NEMP2: variants seen among roughly 807,000 people sequenced by gnomAD.
NEMP2 encodes the protein UPF0571 transmembrane protein.
A neutral mutation model predicts 54.2 loss-of-function variants in NEMP2; 53 were observed. The observed-to-expected ratio is 0.98, with a 90% confidence interval of 0.78 to 1.23. The LOEUF is 1.23. NEMP2 is among the 50% of genes most tolerant of loss of function. The pLI is 0.00. For missense variants in NEMP2, 455 were observed against 511.3 expected (o/e 0.89, Z 1.06); for synonymous variants, 197 against 190.3 (o/e 1.04, Z -0.29).
intron 4 of NEMP2, among the ~76,000 whole-genome samples, 159 bp from the exon 5 acceptor site, chr2:190,517,772 G>A (rs887915854): frequency 2.0e-5 from 3 of 152,132 alleles, no homozygotes; most frequent in African/African-American, 4.8e-5. Context: ...AACAAAATGG[G>A]TACTTGAAAT....
chr2:190,454,759 A>C, the NEMP2 span, among the ~76,000 whole-genome samples: 1 of 152,122 alleles, frequency 6.6e-6, no homozygotes, highest in East Asian at 1.9e-4. This position sits in a 1 kb window ranked among gnomAD's most constrained non-coding sequence, Gnocchi z 4.6. Context: ...ATGTGTCTAA[A>C]TAGAGTAAGG....
At chr2:190,487,390 C>A in the NEMP2 span, among the ~76,000 whole-genome samples, 1 of 152,210 alleles carries the variant, frequency 6.6e-6, no homozygotes, top group East Asian at 1.9e-4. This position sits in a 1 kb window ranked among gnomAD's most constrained non-coding sequence, Gnocchi z 5.5. Context: ...GAATCATTAA[C>A]CCCACTTGTG....
the NEMP2 span, among the ~76,000 whole-genome samples, chr2:190,554,686 C>T: frequency 1.3e-5 from 2 of 152,334 alleles, no homozygotes; most frequent in South Asian, 2.1e-4. This position sits in a 1 kb window ranked among gnomAD's most constrained non-coding sequence, Gnocchi z 5.7. Context: ...ACCCCCACTT[C>T]CCTGGGACAG....
the NEMP2 span, among the ~76,000 whole-genome samples, chr2:190,568,621 G>A: frequency 2.6e-5 from 4 of 152,086 alleles, no homozygotes; most frequent in African/African-American, 9.7e-5. This position sits in a 1 kb window ranked among gnomAD's most constrained non-coding sequence, Gnocchi z 4.7. Context: ...TTAGGAGTTC[G>A]AGACCAGCCT....
the NEMP2 span, among the ~76,000 whole-genome samples, chr2:190,572,831 G>T: frequency 3.9e-5 from 1 of 25,582 alleles, no homozygotes; most frequent in Non-Finnish European, 7.8e-5. Flanking sequence ...ATCTTTTCAT[G>T]AGTATATATA....
the NEMP2 span, among the ~76,000 whole-genome samples, chr2:190,475,773 AACAAAGCT>A: frequency 6.6e-6 from 1 of 152,210 alleles, no homozygotes; most frequent in Non-Finnish European, 1.5e-5. Flanking sequence ...AAGCCAAAAG[AACAAAGCT>A]GGAGGCATCA....
downstream of NEMP2, chr2:190,500,544 A>AT: frequency 3.7e-6 from 1 of 273,130 alleles, no homozygotes; most frequent in South Asian, 7.1e-5. The surrounding 1 kb of genome is among the most constrained non-coding windows in gnomAD (Gnocchi z 5.3). Context: ...TACACTAAGT[A>AT]AGTGGAGGGA....
chr2:190,497,685 G>A, the NEMP2 span: 2 of 1,614,130 alleles, frequency 1.2e-6, no homozygotes, highest in Non-Finnish European at 1.7e-6. The surrounding 1 kb of genome is among the most constrained non-coding windows in gnomAD (Gnocchi z 5.2). Context: ...CAACTCACAA[G>A]AGACAACCGT....
rs1178113546 is a variant in NEMP2, at chr2:190,529,297, T to C, written c.98-3919A>G. ...AAAATCCCCCTCCCTTCCAGGGACC[T>C]GAGTGCCTCTATGACCTTCCCTCCT... On this transcript the variant is annotated intron_variant, in intron 1 of 8. Coordinates refer to ENST00000409150, the MANE Select transcript of NEMP2 (RefSeq NM_001142645.2). The surrounding 1 kb of genome is among the most constrained non-coding windows in gnomAD (Gnocchi z 4.7). Among the ~76,000 whole-genome samples, 2 of 152,206 alleles carry C rather than the reference T, an allele frequency of 1.3e-5. No individual in the cohort carries two copies. The highest frequency in any genetic ancestry group is 1.9e-4 in the East Asian group (1 of 5,194).
the NEMP2 span, among the ~76,000 whole-genome samples, chr2:190,450,231 A>C: frequency 2.6e-5 from 4 of 152,108 alleles, no homozygotes; most frequent in Non-Finnish European, 5.9e-5. Context: ...ATTTCTACAT[A>C]TACATGGAAA....
At chr2:190,546,792 T>C in the NEMP2 span, among the ~76,000 whole-genome samples, 1 of 152,170 alleles carries the variant, frequency 6.6e-6, no homozygotes, top group Admixed American at 6.5e-5. This position sits in a 1 kb window ranked among gnomAD's most constrained non-coding sequence, Gnocchi z 5.1. Flanking sequence ...AGTAACAAAA[T>C]GTATAACTAA....
chr2:190,624,065 T>C, the NEMP2 span, among the ~76,000 whole-genome samples: 1 of 152,196 alleles, frequency 6.6e-6, no homozygotes, highest in Non-Finnish European at 1.5e-5. Flanking sequence ...GGAAGATTGC[T>C]TGAGCCAGGG....
chr2:190,597,834 T>C, the NEMP2 span, among the ~76,000 whole-genome samples: 1 of 152,164 alleles, frequency 6.6e-6, no homozygotes, highest in African/African-American at 2.4e-5. This position sits in a 1 kb window ranked among gnomAD's most constrained non-coding sequence, Gnocchi z 4.7. Flanking sequence ...AATTTGAAAG[T>C]GGAATTTCTC....
At chr2:190,473,986 A>G in the NEMP2 span, among the ~76,000 whole-genome samples, 2 of 152,236 alleles carry the variant, frequency 1.3e-5, no homozygotes, top group African/African-American at 4.8e-5. Flanking sequence ...AAGGAAATGA[A>G]GGCAGAAATA....
chr2:190,561,054 G>T, the NEMP2 span, among the ~76,000 whole-genome samples: 3 of 152,262 alleles, frequency 2.0e-5, no homozygotes, highest in Non-Finnish European at 4.4e-5. The surrounding 1 kb of genome is among the most constrained non-coding windows in gnomAD (Gnocchi z 5.4). Context: ...CTTCCTCGAG[G>T]ACTAGGAGAG....
At chr2:190,477,521 T>A in the NEMP2 span, 1 of 221,720 alleles carries the variant, frequency 4.5e-6, no homozygotes, top group Non-Finnish European at 7.6e-6. Flanking sequence ...ATGAAACGGT[T>A]AAAGAACAAC....
the NEMP2 span, among the ~76,000 whole-genome samples, chr2:190,579,706 A>G: frequency 6.6e-6 from 1 of 152,244 alleles, no homozygotes; most frequent in South Asian, 2.1e-4. Context: ...CAGTAACCCC[A>G]AAACAAACTA....
At chr2:190,495,348 A>G in the NEMP2 span, among the ~76,000 whole-genome samples, 1 of 152,202 alleles carries the variant, frequency 6.6e-6, no homozygotes, top group South Asian at 2.1e-4. This position sits in a 1 kb window ranked among gnomAD's most constrained non-coding sequence, Gnocchi z 4.7. Flanking sequence ...GAAATCATAC[A>G]TGACATACAC....
chr2:190,612,955 G>A, the NEMP2 span, among the ~76,000 whole-genome samples: 1 of 152,004 alleles, frequency 6.6e-6, no homozygotes, highest in Admixed American at 6.5e-5. Flanking sequence ...AATATCTGTT[G>A]TTTAATTTAA....
Sources: allele counts gnomAD v4.1 joint callset (sites outside exome capture counted in the v4.1 genomes callset), GRCh38; gene constraint gnomAD v4.1.1; non-coding constraint Gnocchi (gnomAD v3.1); transcripts MANE v1.5; gene names NCBI Gene and HGNC (gene_info 2026-07-23, HGNC 2026-07-21).